The following PCDHGB7 variants were observed in gnomAD, a reference collection of about 807,000 sequenced individuals.
PCDHGB7 encodes the protein protocadherin gamma-B7.
PCDHGB7 carries 37 observed loss-of-function variants against 61.4 expected under a neutral mutation model. That is an observed-to-expected ratio of 0.60 (90% CI 0.46 to 0.79). The LOEUF is 0.79. PCDHGB7 is among the 30% of genes least tolerant of loss of function. The probability of loss-of-function intolerance (pLI) is 0.00; values close to 1 mark genes in which losing one functional copy is unlikely to be tolerated. For synonymous variants in PCDHGB7, 464 were observed against 503.5 expected, an observed-to-expected ratio of 0.92 and a Z score of 1.05; for missense variants, 1,166 against 1,202.5, an observed-to-expected ratio of 0.97 and a Z score of 0.45.
At chr5:141,441,073 G>A (rs1591647632) in intron 1 of PCDHGB7, 1 of 152,152 alleles carries the variant, frequency 6.6e-6, no homozygotes, top group Non-Finnish European at 1.5e-5. Flanking sequence ...AATTTCCATG[G>A]TTTTGGTAGC....
In PCDHGB7 at chr5:141,418,247, G is replaced by T; in HGVS notation, c.388G>T (p.Ala130Ser). 1 of 1,614,032 alleles carries T rather than the reference G, an allele frequency of 6.2e-7. No homozygotes were observed. The highest frequency in any genetic ancestry group is 8.5e-7 in the Non-Finnish European group (1 of 1,179,898). ...IVVIEDVNDH[A>S]PQFRKDEINL... ...GGTGATTGAGGATGTTAATGACCAC[G>T]CCCCTCAATTCCGGAAAGATGAAAT... Residue 130 changes from alanine (A) to serine (S), a missense_variant, in exon 1 of 4, where the codon GCC becomes TCC. Ala to Ser is a moderately conservative substitution (Grantham distance 99). Coordinates refer to ENST00000398594, the MANE Select transcript of PCDHGB7 (RefSeq NM_018927.4).
chr5:141,430,957 C>T (rs771551541), intron 1 of PCDHGB7: 42 of 1,611,532 alleles, frequency 2.6e-5, no homozygotes, highest in Middle Eastern at 3.3e-4. Context: ...GAGTCCGCAT[C>T]ATCCCCAGAG....
rs1391017504 is a variant in PCDHGB7 at position 141,490,732 on chromosome 5, G to GTTCAGGGAGCCCCAGCCTCCTCCT, written c.2416-4072_2416-4049dup. 6.2e-7 allele frequency: 1 copy of GTTCAGGGAGCCCCAGCCTCCTCCT among 1,614,070 alleles called. No individual in the cohort carries two copies. Among genetic ancestry groups the GTTCAGGGAGCCCCAGCCTCCTCCT allele is most frequent in the Non-Finnish European group, 8.5e-7 (1 of 1,180,050 alleles). On this transcript the variant is annotated intron_variant, in intron 1 of 3. Coordinates refer to ENST00000398594, the MANE Select transcript of PCDHGB7 (RefSeq NM_018927.4). This position sits in a 1 kb window ranked among gnomAD's most constrained non-coding sequence, Gnocchi z 5.4. ...CACCTACTCCATTGTAGGAAATCAG[G>GTTCAGGGAGCCCCAGCCTCCTCCT]TTCAGGGAGCCCCAGCCTCCTCCTT...
At position 141,431,696 on chromosome 5, in the gene PCDHGB7, G is replaced by T; in HGVS notation, c.2415+11422G>T. ...AGGGGAGTTGGACCACGAGGAGTCA[G>T]GATTCTACCAGATGGAAGTGCAAGC... On this transcript the variant is annotated intron_variant, in intron 1 of 3. Transcript: ENST00000398594. The surrounding 1 kb of genome is among the most constrained non-coding windows in gnomAD (Gnocchi z 4.8). 6.2e-7 allele frequency: 1 copy of T among 1,614,238 alleles called. No individual in the cohort carries two copies. Among genetic ancestry groups the T allele is most frequent in the Non-Finnish European group, 8.5e-7 (1 of 1,180,038 alleles).
At chr5:141,421,967 T>C (rs760789458) in intron 1 of PCDHGB7, 2 of 1,611,174 alleles carry the variant, frequency 1.2e-6, no homozygotes, top group Admixed American at 3.4e-5. Flanking sequence ...ACACAGTCCG[T>C]ATATCGCGTG....
intron 1 of PCDHGB7, among the ~76,000 whole-genome samples, chr5:141,464,436 TTTG>T (rs1043492514): frequency 1.1e-4 from 17 of 151,396 alleles, no homozygotes; most frequent in Non-Finnish European, 1.9e-4. Flanking sequence ...GATATATATG[TTTG>T]TTGTTGTTGT....
At chr5:141,438,621 TATATATATATATATACAC>T (rs1369797568) in intron 1 of PCDHGB7, among the ~76,000 whole-genome samples, 6 of 41,386 alleles carry the variant, frequency 1.4e-4, no homozygotes, top group South Asian at 9.0e-4. Context: ...TATATATATA[TATATATATATATATACAC>T]ACACACACAC....
intron 3 of PCDHGB7, among the ~76,000 whole-genome samples, chr5:141,505,956 T>C (rs1177913983): frequency 6.6e-6 from 1 of 152,102 alleles, no homozygotes; most frequent in Non-Finnish European, 1.5e-5. Flanking sequence ...TGAAAGTGGG[T>C]GTAGAAATCC....
chr5:141,419,591 G>A lies in PCDHGB7; in HGVS notation c.1732G>A (p.Val578Met), dbSNP rs574335266. The A allele has an allele frequency of 2.2e-5, 35 of 1,611,826 alleles. No individual in the cohort carries two copies. The African/African-American group carries it at 4.0e-4, about 18-fold the overall frequency. The change falls in exon 1 of 4, where the codon GTG becomes ATG. Residue 578 changes from valine (V) to methionine (M), a missense_variant. Coordinates refer to ENST00000398594, the MANE Select transcript of PCDHGB7 (RefSeq NM_018927.4). ...GPDGSALFDT[V>M]PRAAQPGYLV... is the part of the protein sequence containing the mutation. ...CGACGGCTCCGCGCTCTTCGACACA[G>A]TGCCGCGGGCCGCGCAGCCAGGCTA...
chr5:141,432,035 G>C lies in PCDHGB7; in HGVS notation c.2415+11761G>C. 6 of 1,614,218 alleles carry C rather than the reference G, an allele frequency of 3.7e-6. No homozygotes were observed. Among genetic ancestry groups the C allele is most frequent in the Non-Finnish European group, 5.1e-6 (6 of 1,180,046 alleles). ...CTACAACATCACAGTGACCGCCACT[G>C]ACCGGGGAACCCCGCCCCTATCCAC... On this transcript the variant is annotated intron_variant, in intron 1 of 3. Coordinates refer to ENST00000398594, the MANE Select transcript of PCDHGB7 (RefSeq NM_018927.4). The surrounding 1 kb of genome is among the most constrained non-coding windows in gnomAD (Gnocchi z 6.0).
intron 1 of PCDHGB7, among the ~76,000 whole-genome samples, chr5:141,438,609 T>TATAC (rs2098013849): frequency 2.4e-5 from 1 of 41,118 alleles, no homozygotes; most frequent in Non-Finnish European, 3.9e-5. Context: ...TATATATATA[T>TATAC]ATATATATAT....
chr5:141,429,583 T>A (rs2097226045), intron 1 of PCDHGB7, among the ~76,000 whole-genome samples: 2 of 152,218 alleles, frequency 1.3e-5, no homozygotes, highest in South Asian at 4.1e-4. Flanking sequence ...TTACTTTTGA[T>A]TCTTGTAATT....
Position 141,486,173 on chromosome 5 carries a change from T to C in PCDHGB7, c.2416-8634T>C. 1 of 1,614,220 alleles carries C rather than the reference T, an allele frequency of 6.2e-7. No homozygotes were observed. Among genetic ancestry groups the C allele is most frequent in the Non-Finnish European group, 8.5e-7 (1 of 1,180,042 alleles). ...GGGTTCTCCAGCCATGGAGCAACATTGCAGCCTTCGAGTGGATCTGCTGGA... is the reference window on the plus strand; with the variant it reads ...GGGTTCTCCAGCCATGGAGCAACATCGCAGCCTTCGAGTGGATCTGCTGGA... On this transcript the variant is annotated intron_variant, in intron 1 of 3. Transcript: ENST00000398594. The surrounding 1 kb of genome is among the most constrained non-coding windows in gnomAD (Gnocchi z 5.0).
chr5:141,487,857 T>A lies in PCDHGB7; in HGVS notation c.2416-6950T>A. Reference sequence around the variant, plus strand: ...TATCTGAGTAAGAAATGAAAGTAATTGGTGATCAAGAGCCAGGCTGTTGTG... The same window carrying A: ...TATCTGAGTAAGAAATGAAAGTAATAGGTGATCAAGAGCCAGGCTGTTGTG... On this transcript the variant is annotated intron_variant, in intron 1 of 3. Coordinates refer to ENST00000398594, the MANE Select transcript of PCDHGB7 (RefSeq NM_018927.4). The surrounding 1 kb of genome is among the most constrained non-coding windows in gnomAD (Gnocchi z 5.0). The A allele has an allele frequency of 1.0e-6, 1 of 964,674 alleles. No individual in the cohort carries two copies. Among genetic ancestry groups the A allele is most frequent in the Non-Finnish European group, 1.5e-6 (1 of 659,920 alleles). 59.8% of individuals were successfully genotyped at this position (964,674 alleles called of 1,614,324 possible). A position where few individuals can be genotyped will look rare whatever the true frequency, so the allele number is the denominator to read the frequency against.
Position 141,476,845 on chromosome 5 carries a change from C to T in PCDHGB7, c.2416-17962C>T. On this transcript the variant is annotated intron_variant, in intron 1 of 3. Transcript: ENST00000398594. The surrounding 1 kb of genome is among the most constrained non-coding windows in gnomAD (Gnocchi z 7.6). ...TGGACGCGAATGACAATGCGCCTGT[C>T]TTCAACCAGTCCTTGTACCGGGCGC... 1 of 1,613,794 alleles carries T rather than the reference C, an allele frequency of 6.2e-7. No homozygotes were observed. Among genetic ancestry groups the T allele is most frequent in the Non-Finnish European group, 8.5e-7 (1 of 1,180,054 alleles).
chr5:141,425,836 C>T (rs568578402), intron 1 of PCDHGB7, among the ~76,000 whole-genome samples: 1 of 152,344 alleles, frequency 6.6e-6, no homozygotes, highest in East Asian at 1.9e-4. Context: ...TTTAAATTCT[C>T]TTTGCTGGGT....
chr5:141,483,764 A>G (rs1170910094), intron 1 of PCDHGB7, among the ~76,000 whole-genome samples: 1 of 152,104 alleles, frequency 6.6e-6, no homozygotes, highest in East Asian at 1.9e-4. Context: ...AGGCTTGGAA[A>G]AATATTGGGG....
chr5:141,488,046 G>A (rs958459817), intron 1 of PCDHGB7, among the ~76,000 whole-genome samples: 1 of 152,182 alleles, frequency 6.6e-6, no homozygotes, highest in African/African-American at 2.4e-5. Flanking sequence ...CCAAGGGATT[G>A]AGGGGAAATA....
chr5:141,449,756 T>C (rs2098654563), intron 1 of PCDHGB7, among the ~76,000 whole-genome samples: 1 of 151,728 alleles, frequency 6.6e-6, no homozygotes, highest in South Asian at 2.1e-4. Flanking sequence ...TTTATGACAT[T>C]TGAGAGTAAG....
Sources: gnomAD v4.1 joint callset for allele counts (sites outside exome capture counted in the v4.1 genomes callset) on GRCh38, gnomAD v4.1.1 for gene constraint, Gnocchi (gnomAD v3.1) non-coding constraint, MANE v1.5 for transcripts, NCBI Gene and HGNC (gene_info 2026-07-23, HGNC 2026-07-21) for gene names.